The following POU2F1 variants were observed in gnomAD, a reference collection of about 807,000 sequenced individuals.
POU2F1 encodes the protein POU class 2 homeobox 1, also known as POU domain, class 2, transcription factor 1.
POU2F1 carries 16 observed loss-of-function variants against 84.9 expected under a neutral mutation model. The ratio of observed to expected loss-of-function variants is 0.19; its 90% CI spans 0.13 to 0.29. The LOEUF (loss-of-function observed/expected upper bound fraction) is 0.29, where lower values mean the gene tolerates loss of function less well. Among genes scored for constraint, POU2F1 ranks in the 10% least tolerant of loss-of-function variants. POU2F1 has a pLI of 1.00. For missense variants in POU2F1, 738 were observed against 942.6 expected, an observed-to-expected ratio of 0.78 and a Z score of 2.84; for synonymous variants, 368 against 368.3, an observed-to-expected ratio of 1.00 and a Z score of 0.01.
chr1:167,415,938 G>GTT lies in POU2F1; in HGVS notation c.*128_*129insTT. The GTT allele has an allele frequency of 3.2e-6, 2 of 631,302 alleles. No individual in the cohort carries two copies. The highest frequency in any genetic ancestry group is 4.9e-6 in the Non-Finnish European group (2 of 405,314). The allele number at this position is 631,302 out of a possible 1,614,324, so 39.1% of individuals were successfully genotyped here. A position where few individuals can be genotyped will look rare whatever the true frequency, so the allele number is the denominator to read the frequency against. On this transcript the variant is annotated 3_prime_UTR_variant, in exon 16 of 16. Transcript: ENST00000367866. ...GTGTTGTGAGGGCAAAGGAGAGAAG[G>GTT]GAGAAAAAAAAAAAAAAACCACACA...
At chr1:167,221,098 G>C (rs1230092353) in intron 1 of POU2F1, 140 bp downstream of exon 1, 4 of 833,892 alleles carry the variant, frequency 4.8e-6, no homozygotes, top group Non-Finnish European at 7.5e-6. Context: ...GGGGAGCATT[G>C]AGCCCCCGCC....
At chr1:167,366,729 G>A (rs758807831) in intron 3 of POU2F1, among the ~76,000 whole-genome samples, 1 of 151,814 alleles carries the variant, frequency 6.6e-6, no homozygotes, top group Non-Finnish European at 1.5e-5. Context: ...CATCTAAAAT[G>A]AATTTTAAAA....
intron 1 of POU2F1, among the ~76,000 whole-genome samples, chr1:167,227,218 T>C (rs961739754): frequency 6.6e-6 from 1 of 152,218 alleles, no homozygotes; most frequent in Non-Finnish European, 1.5e-5. Context: ...AAGTCTTCAA[T>C]ATTGAAAGTC....
At chr1:167,311,241 G>T (rs186036165) in intron 1 of POU2F1, among the ~76,000 whole-genome samples, 1 of 152,092 alleles carries the variant, frequency 6.6e-6, no homozygotes, top group South Asian at 2.1e-4. Context: ...AAAACAGAGA[G>T]AAATGACACC....
intron 8 of POU2F1, among the ~76,000 whole-genome samples, chr1:167,386,274 C>A (rs1211946762): frequency 6.6e-6 from 1 of 152,178 alleles, no homozygotes; most frequent in Non-Finnish European, 1.5e-5. Flanking sequence ...CCCACTCTAG[C>A]AGCCTGACCT....
rs138073789 is a variant in POU2F1 at position 167,350,293 on chromosome 1, G to A, written c.128-15174G>A. 1.4e-3 allele frequency among the ~76,000 whole-genome samples: 209 copies of A among 152,212 alleles called. 2 individuals carry two copies. The East Asian group carries it at 0.028, about 21-fold the overall frequency. On this transcript the variant is annotated intron_variant, in intron 2 of 15. Coordinates refer to ENST00000367866, the MANE Select transcript of POU2F1 (RefSeq NM_002697.4). The stretch of plus-strand genomic sequence containing the variant: ...TTACATATTCAGGATTTTGGTCTCC[G>A]TTGAGAATGAATCTTTTTTGTTCTT...
intron 11 of POU2F1, among the ~76,000 whole-genome samples, chr1:167,398,376 T>C (rs1648959417): frequency 3.3e-5 from 5 of 151,988 alleles, no homozygotes; most frequent in Admixed American, 2.6e-4. Context: ...CAGCTTACCA[T>C]AGGATACATA....
At chr1:167,312,921 T>C (rs1655605006) in intron 1 of POU2F1, among the ~76,000 whole-genome samples, 1 of 152,260 alleles carries the variant, frequency 6.6e-6, no homozygotes, top group Non-Finnish European at 1.5e-5. Flanking sequence ...TTGCCTACAG[T>C]ATTCACACTA....
chr1:167,342,915 G>A (rs902481429), intron 2 of POU2F1, among the ~76,000 whole-genome samples: 2 of 152,128 alleles, frequency 1.3e-5, no homozygotes, highest in Non-Finnish European at 2.9e-5. Context: ...TTTTTAATTA[G>A]TGGGTCATTG....
intron 1 of POU2F1, among the ~76,000 whole-genome samples, chr1:167,264,410 GA>G (rs1466617726): frequency 6.6e-6 from 1 of 152,154 alleles, no homozygotes; most frequent in Non-Finnish European, 1.5e-5. Flanking sequence ...AGTGTGGCCA[GA>G]ACATATTTTG....
chr1:167,384,087 CT>C (rs1233551875), intron 8 of POU2F1, 136 bp downstream of exon 8: 3 of 661,796 alleles, frequency 4.5e-6, no homozygotes, highest in Non-Finnish European at 5.0e-6. Context: ...CAAAGCTAGG[CT>C]TATCAGCTCA....
At chr1:167,306,792 G>A (rs1466555241) in intron 1 of POU2F1, among the ~76,000 whole-genome samples, 1 of 152,108 alleles carries the variant, frequency 6.6e-6, no homozygotes, top group African/African-American at 2.4e-5. Flanking sequence ...TATAAGGATA[G>A]CAATCATATT....
intron 1 of POU2F1, among the ~76,000 whole-genome samples, chr1:167,325,903 A>AC (rs1162743903): frequency 1.3e-5 from 2 of 151,134 alleles, no homozygotes; most frequent in Non-Finnish European, 2.9e-5. Context: ...AAAAAAAAAA[A>AC]CTAGTAGTGT....
At chr1:167,291,864 T>C (rs1190865926) in intron 1 of POU2F1, among the ~76,000 whole-genome samples, 2 of 152,152 alleles carry the variant, frequency 1.3e-5, no homozygotes, top group Admixed American at 1.3e-4. Flanking sequence ...CAGGGAAATA[T>C]TATTAGAGTA....
intron 1 of POU2F1, among the ~76,000 whole-genome samples, chr1:167,306,012 G>T (rs959895074): frequency 6.6e-6 from 1 of 152,176 alleles, no homozygotes; most frequent in South Asian, 2.1e-4. Flanking sequence ...GAAGAAAAGC[G>T]TTGTGCATGG....
intron 1 of POU2F1, among the ~76,000 whole-genome samples, chr1:167,300,772 T>C (rs1654633918): frequency 6.6e-6 from 1 of 151,842 alleles, no homozygotes; most frequent in Admixed American, 6.6e-5. Context: ...CTCTTATTTT[T>C]ATTTTTTATT....
At chr1:167,244,250 C>T (rs1445388622) in intron 1 of POU2F1, among the ~76,000 whole-genome samples, 9 of 152,102 alleles carry the variant, frequency 5.9e-5, no homozygotes, top group Non-Finnish European at 8.8e-5. Context: ...CAGGTGGGTC[C>T]TCACAAGGTT....
At chr1:167,376,241 C>G in intron 7 of POU2F1, 86 bp downstream of exon 7, 1 of 1,393,686 alleles carries the variant, frequency 7.2e-7, no homozygotes, top group Non-Finnish European at 9.6e-7. Context: ...CATTTTGGCC[C>G]TGAAACTATT....
chr1:167,304,096 T>G (rs749395106), intron 1 of POU2F1, among the ~76,000 whole-genome samples: 2 of 152,192 alleles, frequency 1.3e-5, no homozygotes, highest in Non-Finnish European at 2.9e-5. Flanking sequence ...CAGTTCAGAA[T>G]CTACATCTGA....
Sources: gnomAD v4.1 joint callset for allele counts (sites outside exome capture counted in the v4.1 genomes callset) on GRCh38, gnomAD v4.1.1 for gene constraint, MANE v1.5 for transcripts, NCBI Gene and HGNC (gene_info 2026-07-23, HGNC 2026-07-21) for gene names.